Variants in LCP1 observed in about 807,000 individuals in gnomAD.
The protein encoded by LCP1 is lymphocyte cytosolic protein 1, also known as plastin-2.
In LCP1, 23 loss-of-function variants were observed where a neutral mutation model predicts 72.0. That is an observed-to-expected ratio of 0.32 (90% CI 0.23 to 0.45). The LOEUF is 0.45. LCP1 is among the 20% of genes least tolerant of loss of function. The pLI, the probability that LCP1 is intolerant of heterozygous loss-of-function variation, is 1.00. For missense variants in LCP1, 571 were observed against 748.3 expected, an observed-to-expected ratio of 0.76 and a Z score of 2.76; for synonymous variants, 245 against 275.4, an observed-to-expected ratio of 0.89 and a Z score of 1.09.
At chr13:46,140,345 C>T (rs890675216) in intron 13 of LCP1, among the ~76,000 whole-genome samples, 3 of 152,164 alleles carry the variant, frequency 2.0e-5, no homozygotes, top group African/African-American at 7.2e-5. Flanking sequence ...TTGGGGCTCA[C>T]ACAAGGCTGG....
chr13:46,150,987 G>A lies in LCP1; in HGVS notation c.831C>T (p.His277=), dbSNP rs746811955. The change falls in exon 8 of 16, where the codon CAC becomes CAT. Residue 277 remains histidine (H), a synonymous_variant. Transcript: ENST00000323076. ...EELLLRWANY[H]LENAGCNKIG... ...TTTTGTTGCAGCCTGCATTTTCCAG[G>A]TGGTAATTAGCCCACCTCAGCAAGA... 1.9e-6 allele frequency: 3 copies of A among 1,613,950 alleles called. No homozygotes were observed. In the Admixed American group the frequency reaches 5.0e-5, roughly 27 times the overall value.
chr13:46,159,217 G>C (rs1330872817), intron 2 of LCP1: 1 of 542,812 alleles, frequency 1.8e-6, no homozygotes, highest in Non-Finnish European at 3.3e-6. Context: ...TTTCTATAAG[G>C]TACCTCTGTT....
chr13:46,171,095 G>C (rs962707016), intron 1 of LCP1, among the ~76,000 whole-genome samples: 4 of 152,258 alleles, frequency 2.6e-5, no homozygotes, highest in Admixed American at 1.3e-4. Context: ...CAGTTGGTCA[G>C]TAATAATAGC....
intron 15 of LCP1, among the ~76,000 whole-genome samples, chr13:46,129,992 G>A (rs1193541477): frequency 6.6e-6 from 1 of 152,224 alleles, no homozygotes; most frequent in Non-Finnish European, 1.5e-5. Flanking sequence ...GCCATGTGAA[G>A]ATGGAGGCAG....
chr13:46,152,610 T>TA (rs1353102476), intron 7 of LCP1, among the ~76,000 whole-genome samples, 170 bp downstream of exon 7: 2 of 152,216 alleles, frequency 1.3e-5, no homozygotes, highest in Non-Finnish European at 2.9e-5. Flanking sequence ...GCTCTATCAT[T>TA]AAAAAACGTC....
rs189156175 is a variant in LCP1, at chr13:46,134,023, G to A, written c.1626+104C>T. 2.7e-5 allele frequency: 28 copies of A among 1,028,412 alleles called. No homozygotes were observed. In the African/African-American group the frequency reaches 4.2e-4, roughly 15 times the overall value. 63.7% of individuals were successfully genotyped at this position (1,028,412 alleles called of 1,614,324 possible). On this transcript the variant is annotated intron_variant, in intron 14 of 15. Transcript: ENST00000323076. ...TTAAGCAAAATTGAAATGGGAGGGGGAGCCTCTAATACCTACCACTGAAGG... is the reference window on the plus strand; with the variant it reads ...TTAAGCAAAATTGAAATGGGAGGGGAAGCCTCTAATACCTACCACTGAAGG...
chr13:46,153,561 CA>C (rs2045782325), intron 6 of LCP1, among the ~76,000 whole-genome samples: 1 of 151,872 alleles, frequency 6.6e-6, no homozygotes, highest in Non-Finnish European at 1.5e-5. Context: ...ATTAGCTGGG[CA>C]TGGTGGCAGG....
chr13:46,155,965 A>T (rs1446880616), intron 5 of LCP1, among the ~76,000 whole-genome samples: 2 of 152,208 alleles, frequency 1.3e-5, no homozygotes, highest in Admixed American at 1.3e-4. Context: ...TAACCAGGAA[A>T]ATTGTCCTCA....
chr13:46,138,642 AGTTT>A (rs542556467), intron 13 of LCP1, among the ~76,000 whole-genome samples: 22 of 151,946 alleles, frequency 1.4e-4, no homozygotes, highest in Non-Finnish European at 2.6e-4. Context: ...GGTTGACCTG[AGTTT>A]GTTTGTTTGT....
At chr13:46,180,917 T>C (rs1207952964) in intron 1 of LCP1, among the ~76,000 whole-genome samples, 1 of 152,238 alleles carries the variant, frequency 6.6e-6, no homozygotes, top group Non-Finnish European at 1.5e-5. Context: ...TTTGAAACTA[T>C]TCAGGTGAGA....
rs371038089 is a variant in LCP1 at position 46,152,962 on chromosome 13, A to G, written c.574-17T>C. 2 of 1,600,724 alleles carry G rather than the reference A, an allele frequency of 1.2e-6. No individual in the cohort carries two copies. The highest frequency in any genetic ancestry group is 2.7e-5 in the African/African-American group (2 of 74,066). On this transcript the variant is annotated splice_polypyrimidine_tract_variant and intron_variant, in intron 6 of 15. Coordinates refer to ENST00000323076, the MANE Select transcript of LCP1 (RefSeq NM_002298.5). ...CAGATTTTCCTGAGGGAGAAAATGT[A>G]TGCAAGTTTTTGTTCTATGACTTTG...
At chr13:46,148,309 A>G (rs2045742691) in intron 9 of LCP1, 43 bp downstream of exon 9, 4 of 1,396,918 alleles carry the variant, frequency 2.9e-6, no homozygotes, top group Non-Finnish European at 4.0e-6. Flanking sequence ...CCAACATGAA[A>G]ATAGCATCAT....
intron 13 of LCP1, among the ~76,000 whole-genome samples, chr13:46,135,225 T>C (rs1008074636): frequency 4.6e-5 from 7 of 151,954 alleles, no homozygotes; most frequent in African/African-American, 1.7e-4. Flanking sequence ...AGCCCAGCAG[T>C]CCAGGAACAC....
Position 46,154,681 on chromosome 13 carries a change from T to A in LCP1, c.573+124A>T, listed in dbSNP as rs139961821. The A allele has an allele frequency of 1.9e-3, 1,338 of 717,218 alleles. 23 individuals are homozygous for A. The East Asian group carries it at 0.031, about 17-fold the overall frequency. The allele number at this position is 717,218 out of a possible 1,614,324, so 44.4% of individuals were successfully genotyped here. ...CCCTTTATCCCTGAAGTATGACAAGTCACCAGCCCAAAGCCTGGGTTTTGC... is the reference window on the plus strand; with the variant it reads ...CCCTTTATCCCTGAAGTATGACAAGACACCAGCCCAAAGCCTGGGTTTTGC... On this transcript the variant is annotated intron_variant, in intron 6 of 15. Coordinates refer to ENST00000323076, the MANE Select transcript of LCP1 (RefSeq NM_002298.5).
chr13:46,177,464 A>AC, intron 1 of LCP1, among the ~76,000 whole-genome samples: 1 of 152,020 alleles, frequency 6.6e-6, no homozygotes, highest in Non-Finnish European at 1.5e-5. Context: ...ACAAGGTGAA[A>AC]CCCGTCTCTA....
rs116906987 is a variant in LCP1, at chr13:46,143,065, A to C, written c.1368+225T>G. ...TAATTATCTTAATTAGAATTTTTGC[A>C]TGATAATGTTTGAAGACATCCAACA... On this transcript the variant is annotated intron_variant, in intron 12 of 15. Coordinates refer to ENST00000323076, the MANE Select transcript of LCP1 (RefSeq NM_002298.5). Among the ~76,000 whole-genome samples, 462 of 152,356 alleles carry C rather than the reference A, an allele frequency of 3.0e-3. 3 individuals are homozygous for C. The highest frequency in any genetic ancestry group is 0.017 in the Middle Eastern group (5 of 294).
intron 7 of LCP1, among the ~76,000 whole-genome samples, chr13:46,151,713 T>G (rs1490990576): frequency 6.6e-6 from 1 of 152,208 alleles, no homozygotes; most frequent in East Asian, 1.9e-4. Context: ...AATACATTGG[T>G]TTTTAAATAA....
chr13:46,148,496 A>G lies in LCP1; in HGVS notation c.883-49T>C, dbSNP rs1056596636. The G allele has an allele frequency of 5.5e-6, 6 of 1,092,438 alleles. No individual in the cohort carries two copies. In the Admixed American group the frequency reaches 5.6e-5, roughly 10 times the overall value. 67.7% of individuals were successfully genotyped at this position (1,092,438 alleles called of 1,614,324 possible). On this transcript the variant is annotated intron_variant, in intron 8 of 15. Coordinates refer to ENST00000323076, the MANE Select transcript of LCP1 (RefSeq NM_002298.5). ...ATTTCAAAATAGCACAGCTAATTAC[A>G]TACTTAGCATAACAATGATTTCCCA...
rs2045604425 is a variant in LCP1 at position 46,127,271 on chromosome 13, C to A, written c.*320G>T. ...TTGAAAGATTATATCAAAATTAATA[C>A]CACTGCAGCTTCTATCCTTGGCTAA... On this transcript the variant is annotated 3_prime_UTR_variant, in exon 16 of 16. Coordinates refer to ENST00000323076, the MANE Select transcript of LCP1 (RefSeq NM_002298.5). 3.5e-6 allele frequency: 1 copy of A among 285,116 alleles called. No individual in the cohort carries two copies. The highest frequency in any genetic ancestry group is 6.6e-6 in the Non-Finnish European group (1 of 151,492). 17.7% of individuals were successfully genotyped at this position (285,116 alleles called of 1,614,324 possible). A position where few individuals can be genotyped will look rare whatever the true frequency, so the allele number is the denominator to read the frequency against.
Sources: gnomAD v4.1 joint callset for allele counts (sites outside exome capture counted in the v4.1 genomes callset) on GRCh38, gnomAD v4.1.1 for gene constraint, MANE v1.5 for transcripts, NCBI Gene and HGNC (gene_info 2026-07-23, HGNC 2026-07-21) for gene names.